The following GRM3 variants were observed in gnomAD, a reference collection of about 807,000 sequenced individuals.
GRM3 encodes the protein metabotropic glutamate receptor 3.
A neutral mutation model predicts 70.5 loss-of-function variants in GRM3; 26 were observed. The observed-to-expected ratio is 0.37, with a 90% CI of 0.27 to 0.51. GRM3 has a LOEUF of 0.51. GRM3 is among the 20% of genes least tolerant of loss of function. The pLI is 0.93. For missense variants in GRM3, 859 were observed against 1,123.8 expected (o/e 0.76, Z 3.37); for synonymous variants, 443 against 434.9 (o/e 1.02, Z -0.23).
chr7:86,822,537 G>T (rs1027838344), intron 3 of GRM3, among the ~76,000 whole-genome samples: 3 of 151,962 alleles, frequency 2.0e-5, no homozygotes, highest in Non-Finnish European at 4.4e-5. Flanking sequence ...AAGCACAAGT[G>T]GAAAAAAATG....
chr7:86,767,005 G>A (rs1796615469), intron 2 of GRM3, among the ~76,000 whole-genome samples: 1 of 152,140 alleles, frequency 6.6e-6, no homozygotes, highest in Non-Finnish European at 1.5e-5. Flanking sequence ...GAGGTCAGGA[G>A]CTTGAGACCA....
chr7:86,779,210 C>T (rs1796976342), intron 2 of GRM3, among the ~76,000 whole-genome samples: 1 of 152,118 alleles, frequency 6.6e-6, no homozygotes, highest in Non-Finnish European at 1.5e-5. Flanking sequence ...ATTCCTAAAG[C>T]AAGAATAAGG....
At chr7:86,824,815 C>T (rs1290694357) in intron 3 of GRM3, among the ~76,000 whole-genome samples, 1 of 150,124 alleles carries the variant, frequency 6.7e-6, no homozygotes, top group African/African-American at 2.4e-5. Context: ...TGTGTGTGTG[C>T]ACATATATAT....
At chr7:86,684,062 T>A (rs1391147408) in intron 1 of GRM3, among the ~76,000 whole-genome samples, 1 of 152,168 alleles carries the variant, frequency 6.6e-6, no homozygotes, top group Non-Finnish European at 1.5e-5. Context: ...ATTTTTTTTT[T>A]ATCCCTTTAC....
At chr7:86,698,486 A>G (rs1172468879) in intron 1 of GRM3, among the ~76,000 whole-genome samples, 1 of 149,718 alleles carries the variant, frequency 6.7e-6, no homozygotes, top group Non-Finnish European at 1.5e-5. Context: ...CAGCCCTTTT[A>G]CCTGGTATAA....
At chr7:86,820,910 CA>C (rs1798106481) in intron 3 of GRM3, among the ~76,000 whole-genome samples, 1 of 152,176 alleles carries the variant, frequency 6.6e-6, no homozygotes, top group African/African-American at 2.4e-5. Context: ...AGATGACCCC[CA>C]AGGTGGAGAA....
intron 1 of GRM3, among the ~76,000 whole-genome samples, chr7:86,722,530 C>A (rs1211196352): frequency 6.7e-6 from 1 of 148,680 alleles, no homozygotes; most frequent in African/African-American, 2.5e-5. Context: ...CACGTTCTCA[C>A]TCCTAAGTGG....
chr7:86,678,617 TC>T (rs1794366465), intron 1 of GRM3, among the ~76,000 whole-genome samples: 1 of 152,064 alleles, frequency 6.6e-6, no homozygotes, highest in African/African-American at 2.4e-5. Context: ...TTATGATATT[TC>T]AAACATGATA....
At chr7:86,695,884 G>A (rs1383055940) in intron 1 of GRM3, among the ~76,000 whole-genome samples, 1 of 152,088 alleles carries the variant, frequency 6.6e-6, no homozygotes, top group Non-Finnish European at 1.5e-5. Flanking sequence ...TAACTCCTAA[G>A]AGACAATGAT....
At chr7:86,668,192 T>C (rs1794078469) in intron 1 of GRM3, among the ~76,000 whole-genome samples, 1 of 152,198 alleles carries the variant, frequency 6.6e-6, no homozygotes, top group African/African-American at 2.4e-5. Context: ...TATAATATAC[T>C]GTTTCAGATA....
chr7:86,703,810 T>A (rs1794997658), intron 1 of GRM3, among the ~76,000 whole-genome samples: 1 of 151,924 alleles, frequency 6.6e-6, no homozygotes, highest in African/African-American at 2.4e-5. Flanking sequence ...TTAAAGCAAA[T>A]GAAACAGTAA....
chr7:86,664,249 C>A (rs564455063), intron 1 of GRM3, among the ~76,000 whole-genome samples: 6 of 151,646 alleles, frequency 4.0e-5, no homozygotes, highest in African/African-American at 1.5e-4. Context: ...TTATTGTCTA[C>A]AGAAGATGGT....
chr7:86,710,113 A>T lies in GRM3; in HGVS notation c.-140-54893A>T, dbSNP rs574197989. ...CCCACAGCCACACAATAATCAAGAG[A>T]CTACTTGTTCATAAGAAGAATAGGC... On this transcript the variant is annotated intron_variant, in intron 1 of 5. Transcript: ENST00000361669. 1.4e-4 allele frequency: 21 copies of T among 152,210 alleles called. No homozygotes were observed. The South Asian group carries it at 2.7e-3, about 20-fold the overall frequency. 9.4% of individuals were successfully genotyped at this position (152,210 alleles called of 1,614,324 possible).
At chr7:86,724,077 C>T (rs1232066117) in intron 1 of GRM3, among the ~76,000 whole-genome samples, 2 of 152,114 alleles carry the variant, frequency 1.3e-5, no homozygotes, top group African/African-American at 4.8e-5. Flanking sequence ...GCAGCTATTA[C>T]TTAGAAGATA....
intron 2 of GRM3, among the ~76,000 whole-genome samples, chr7:86,772,076 C>A (rs1208374833): frequency 1.3e-5 from 2 of 152,048 alleles, no homozygotes; most frequent in Non-Finnish European, 2.9e-5. Context: ...TGTTCATTTG[C>A]ATATTTATTC....
chr7:86,683,690 G>A (rs550300947), intron 1 of GRM3, among the ~76,000 whole-genome samples: 8 of 152,180 alleles, frequency 5.3e-5, no homozygotes, highest in African/African-American at 1.9e-4. Flanking sequence ...AGACATGGTG[G>A]GGACCCATTA....
intron 2 of GRM3, among the ~76,000 whole-genome samples, chr7:86,769,044 A>C (rs568594692): frequency 5.6e-4 from 85 of 152,222 alleles, no homozygotes; most frequent in Middle Eastern, 3.4e-3. Flanking sequence ...TAAATTCCTA[A>C]TGGTGAATTT....
chr7:86,802,537 G>A (rs17161004), intron 3 of GRM3, among the ~76,000 whole-genome samples: 8,148 of 151,648 alleles, frequency 0.054, 696 homozygotes, highest in African/African-American at 0.18. Context: ...GAGAGCATCA[G>A]ATTGCGCCAG....
At chr7:86,689,183 A>G (rs1378313358) in intron 1 of GRM3, among the ~76,000 whole-genome samples, 1 of 151,698 alleles carries the variant, frequency 6.6e-6, no homozygotes, top group Non-Finnish European at 1.5e-5. Context: ...GTAATAAAAT[A>G]TAAAATTAAA....
Sources: allele counts gnomAD v4.1 joint callset (sites outside exome capture counted in the v4.1 genomes callset), GRCh38; gene constraint gnomAD v4.1.1; transcripts MANE v1.5; gene names NCBI Gene and HGNC (gene_info 2026-07-23, HGNC 2026-07-21).